PLCG2: variants seen among roughly 807,000 people sequenced by gnomAD.
The protein encoded by PLCG2 is 1-phosphatidylinositol 4,5-bisphosphate phosphodiesterase gamma-2.
PLCG2 carries 69 observed loss-of-function variants against 175.6 expected under a neutral mutation model. That is an observed-to-expected ratio of 0.39 (90% confidence interval 0.32 to 0.48). The LOEUF (loss-of-function observed/expected upper bound fraction) is 0.48, where lower values mean the gene tolerates loss of function less well. Ranked by LOEUF, PLCG2 falls within the 20% of genes least tolerant of loss-of-function variation. The pLI, the probability that PLCG2 is intolerant of heterozygous loss-of-function variation, is 0.91. For synonymous variants in PLCG2, 827 were observed against 624.0 expected (o/e 1.33, Z -4.85); for missense variants, 1,798 against 1,650.9 (o/e 1.09, Z -1.54).
At chr16:81,814,262 A>G (rs1904441202) in intron 2 of PLCG2, among the ~76,000 whole-genome samples, 1 of 152,180 alleles carries the variant, frequency 6.6e-6, no homozygotes, top group South Asian at 2.1e-4. Flanking sequence ...CTCAATAGGT[A>G]ATAAGGTCTT....
intron 2 of PLCG2, among the ~76,000 whole-genome samples, chr16:81,834,087 C>T (rs538789954): frequency 2.0e-5 from 3 of 152,294 alleles, no homozygotes; most frequent in East Asian, 3.9e-4. Context: ...GTGGGCCACC[C>T]GCACAGACTA....
intron 2 of PLCG2, among the ~76,000 whole-genome samples, chr16:81,822,996 G>T (rs185185020): frequency 7.9e-5 from 12 of 152,352 alleles, no homozygotes; most frequent in Non-Finnish European, 1.3e-4. Context: ...AGTGAGACTG[G>T]TTTTGACCTA....
chr16:81,946,852 G>C (rs537476603), intron 31 of PLCG2, among the ~76,000 whole-genome samples: 27 of 151,834 alleles, frequency 1.8e-4, no homozygotes, highest in Non-Finnish European at 3.4e-4. Context: ...TAAAACCTGG[G>C]CTTTAGCAGA....
chr16:81,861,576 C>T (rs563841407), intron 5 of PLCG2, among the ~76,000 whole-genome samples: 2 of 152,356 alleles, frequency 1.3e-5, no homozygotes, highest in Admixed American at 6.5e-5. Flanking sequence ...CGCTGGGCCA[C>T]CCTCTCGTGT....
chr16:81,936,455 A>G (rs1404659149), intron 27 of PLCG2, 77 bp downstream of exon 27: 2 of 1,135,844 alleles, frequency 1.8e-6, no homozygotes, highest in African/African-American at 3.0e-5. Flanking sequence ...ACCTTGGGTC[A>G]GCGATACCAT....
intron 21 of PLCG2, among the ~76,000 whole-genome samples, chr16:81,922,153 G>A (rs1221360557): frequency 6.6e-6 from 1 of 152,152 alleles, no homozygotes; most frequent in Non-Finnish European, 1.5e-5. Context: ...GGAGAGAAAG[G>A]CAAGGGTACT....
chr16:81,883,185 G>A, intron 8 of PLCG2, 84 bp from the exon 9 acceptor site: 5 of 1,209,692 alleles, frequency 4.1e-6, no homozygotes, highest in Non-Finnish European at 6.1e-6. Flanking sequence ...CTGGGTGGCA[G>A]GCTGCCCCAT....
intron 13 of PLCG2, chr16:81,898,127 T>C: frequency 4.0e-6 from 1 of 249,102 alleles, no homozygotes; most frequent in South Asian, 3.9e-5. Context: ...CATAGGTGCT[T>C]ATGGTTGTGA....
intron 3 of PLCG2, among the ~76,000 whole-genome samples, chr16:81,857,558 G>T (rs570154202): frequency 6.6e-6 from 1 of 152,272 alleles, no homozygotes; most frequent in East Asian, 1.9e-4. Flanking sequence ...TTCCTGACTT[G>T]CAGACAGCTG....
At chr16:81,872,048 G>A (rs192721496) in intron 7 of PLCG2, among the ~76,000 whole-genome samples, 3 of 152,276 alleles carry the variant, frequency 2.0e-5, no homozygotes, top group Admixed American at 2.0e-4. Flanking sequence ...TAGAATACAG[G>A]CCAGGTGCAG....
intron 8 of PLCG2, among the ~76,000 whole-genome samples, chr16:81,881,641 TTTTTA>T (rs1197630491): frequency 1.3e-5 from 2 of 152,192 alleles, no homozygotes; most frequent in Admixed American, 6.5e-5. Flanking sequence ...ATGAATCTAA[TTTTTA>T]TATAGTATGT....
At chr16:81,785,438 C>T (rs1455938678) in intron 1 of PLCG2, among the ~76,000 whole-genome samples, 2 of 152,092 alleles carry the variant, frequency 1.3e-5, no homozygotes, top group East Asian at 3.9e-4. Flanking sequence ...GCAGAGGAAC[C>T]ATTTGCCAAA....
chr16:81,924,138 C>G (rs1256558082), intron 22 of PLCG2, among the ~76,000 whole-genome samples: 2 of 152,214 alleles, frequency 1.3e-5, no homozygotes, highest in South Asian at 4.1e-4. Context: ...GCAAAGGTAC[C>G]TGGGTATGCT....
chr16:81,906,773 C>G (rs1270621478), intron 15 of PLCG2, among the ~76,000 whole-genome samples: 2 of 152,208 alleles, frequency 1.3e-5, no homozygotes, highest in Non-Finnish European at 2.9e-5. Flanking sequence ...GGCGCGATGG[C>G]TCATGCCTAT....
intron 30 of PLCG2, among the ~76,000 whole-genome samples, chr16:81,940,984 G>T (rs529936458): frequency 7.2e-5 from 11 of 152,278 alleles, no homozygotes; most frequent in Admixed American, 6.5e-4. Context: ...TTCCTCAAGA[G>T]GTCACTGTTC....
At chr16:81,821,670 G>GA (rs1049273056) in intron 2 of PLCG2, among the ~76,000 whole-genome samples, 10 of 152,100 alleles carry the variant, frequency 6.6e-5, no homozygotes, top group Non-Finnish European at 8.8e-5. Context: ...GGCCTCTGTA[G>GA]AAAAAAATGT....
intron 2 of PLCG2, among the ~76,000 whole-genome samples, chr16:81,843,141 A>G (rs1905924335): frequency 6.6e-6 from 1 of 152,132 alleles, no homozygotes; most frequent in East Asian, 1.9e-4. Flanking sequence ...GCAAGAGTGC[A>G]TGGCCTGAGG....
intron 2 of PLCG2, among the ~76,000 whole-genome samples, chr16:81,812,645 C>A (rs1226811071): frequency 6.6e-6 from 1 of 152,174 alleles, no homozygotes; most frequent in East Asian, 1.9e-4. Flanking sequence ...CCTGCTCACT[C>A]TGATGATAGT....
At chr16:81,838,890 A>C (rs1224854285) in intron 2 of PLCG2, among the ~76,000 whole-genome samples, 2 of 151,730 alleles carry the variant, frequency 1.3e-5, no homozygotes, top group Non-Finnish European at 2.9e-5. Context: ...CTCTGTGGCC[A>C]TTCCTCGGGT....
Sources: gnomAD v4.1 joint callset for allele counts (sites outside exome capture counted in the v4.1 genomes callset) on GRCh38, gnomAD v4.1.1 for gene constraint, MANE v1.5 for transcripts, NCBI Gene and HGNC (gene_info 2026-07-23, HGNC 2026-07-21) for gene names.